The following RPA1 variants were observed in gnomAD, a reference collection of about 807,000 sequenced individuals.
RPA1 encodes the protein replication protein A 70 kDa DNA-binding subunit.
A neutral mutation model predicts 83.0 loss-of-function variants in RPA1; 49 were observed. The ratio of observed to expected loss-of-function variants is 0.59; its 90% CI spans 0.47 to 0.75. The LOEUF (loss-of-function observed/expected upper bound fraction) is 0.75. RPA1 is among the 30% of genes least tolerant of loss of function. The pLI, the probability that RPA1 is intolerant of heterozygous loss-of-function variation, is 0.00. For missense variants in RPA1, 693 were observed against 776.1 expected, an observed-to-expected ratio of 0.89 and a Z score of 1.27; for synonymous variants, 279 against 281.8, an observed-to-expected ratio of 0.99 and a Z score of 0.10.
chr17:1,872,320 A>G, intron 5 of RPA1, 114 bp from the exon 6 acceptor site: 1 of 1,449,818 alleles, frequency 6.9e-7, no homozygotes, highest in Non-Finnish European at 9.3e-7. Context: ...AATCCATGGG[A>G]GTCTTTGACA....
At chr17:1,842,295 C>T (rs1470222424) in intron 1 of RPA1, among the ~76,000 whole-genome samples, 2 of 152,018 alleles carry the variant, frequency 1.3e-5, no homozygotes, top group Non-Finnish European at 2.9e-5. Flanking sequence ...TAGGATTCAC[C>T]AATAAAGCCA....
chr17:1,845,162 TTGTGTG>T (rs71150822), intron 4 of RPA1, among the ~76,000 whole-genome samples: 24,129 of 141,604 alleles, frequency 0.17, 2,167 homozygotes, highest in East Asian at 0.42. Flanking sequence ...TAATGCTGCT[TTGTGTG>T]TGTGTGTGTG....
At chr17:1,854,796 A>G (rs921487992) in intron 5 of RPA1, among the ~76,000 whole-genome samples, 77 of 152,212 alleles carry the variant, frequency 5.1e-4, no homozygotes, top group Non-Finnish European at 2.9e-5. Context: ...CTATTTATTG[A>G]ATTTTTTTAC....
At chr17:1,867,024 A>G (rs1913199809) in intron 5 of RPA1, among the ~76,000 whole-genome samples, 1 of 152,214 alleles carries the variant, frequency 6.6e-6, no homozygotes, top group Non-Finnish European at 1.5e-5. Context: ...GGGCTAGGCC[A>G]TCATTATGCT....
In RPA1 at chr17:1,888,750, C is replaced by T; in HGVS notation, c.1450C>T (p.Gln484Ter). The change falls in exon 14 of 17, where the codon CAG becomes TAG. Residue 484 changes from glutamine to a stop codon, truncating the protein, a stop_gained. Transcript: ENST00000254719. LOFTEE classifies it high-confidence loss of function. ...ENCMYQACPT[Q>*]DCNKKVIDQQ... Reference sequence around the variant, plus strand: ...CTGCATGTACCAAGCCTGCCCGACTCAGGACTGCAATAAGAAAGTGATTGA... The same window carrying T: ...CTGCATGTACCAAGCCTGCCCGACTTAGGACTGCAATAAGAAAGTGATTGA... 2 of 1,614,218 alleles carry T rather than the reference C, an allele frequency of 1.2e-6. No homozygotes were observed. Among genetic ancestry groups the T allele is most frequent in the Non-Finnish European group, 1.7e-6 (2 of 1,180,036 alleles).
intron 4 of RPA1, among the ~76,000 whole-genome samples, chr17:1,852,529 AAGGCCAG>A (rs1269941000): frequency 2.0e-5 from 3 of 152,290 alleles, no homozygotes; most frequent in African/African-American, 7.2e-5. Context: ...AGAAAACAGG[AAGGCCAG>A]AGGGCAGAGG....
At chr17:1,835,662 C>G (rs756490616) in intron 1 of RPA1, among the ~76,000 whole-genome samples, 2 of 152,128 alleles carry the variant, frequency 1.3e-5, no homozygotes, top group African/African-American at 4.8e-5. Flanking sequence ...TTCTTAGTAC[C>G]TCAAACTAGG....
chr17:1,863,920 GAA>G (rs1365847747), intron 5 of RPA1, among the ~76,000 whole-genome samples: 3 of 152,170 alleles, frequency 2.0e-5, no homozygotes, highest in Non-Finnish European at 4.4e-5. Flanking sequence ...TTATAGAAAA[GAA>G]ATGTTCAGAG....
intron 13 of RPA1, among the ~76,000 whole-genome samples, chr17:1,887,333 G>A (rs553336029): frequency 8.5e-5 from 13 of 152,130 alleles, no homozygotes; most frequent in East Asian, 7.8e-4. Context: ...TGAGGCAGGC[G>A]GATCACCTGA....
rs949575266 is a variant in RPA1 at position 1,843,671 on chromosome 17, G to A, written c.85-249G>A. Among the ~76,000 whole-genome samples the A allele has an allele frequency of 4.0e-5, 6 of 148,966 alleles. No homozygotes were observed. In the Admixed American group the frequency reaches 4.1e-4, roughly 10 times the overall value. On this transcript the variant is annotated intron_variant, in intron 2 of 16. Transcript: ENST00000254719. ...TGATTTTTAACCATATTTGAGTCAG[G>A]GGTGAGAACACAAGAGTATAGGCAG...
chr17:1,856,352 TTTTG>T (rs1423358050), intron 5 of RPA1, among the ~76,000 whole-genome samples: 1 of 516 alleles, frequency 1.9e-3, no homozygotes, highest in Non-Finnish European at 3.8e-3. Context: ...ATCCCAAAAC[TTTTG>T]GGGAAGCTGA....
chr17:1,847,936 T>A (rs1413525135), intron 4 of RPA1, among the ~76,000 whole-genome samples: 1 of 151,642 alleles, frequency 6.6e-6, no homozygotes, highest in Non-Finnish European at 1.5e-5. Flanking sequence ...GGCAGGAGAA[T>A]CGCTTGAACC....
intron 1 of RPA1, among the ~76,000 whole-genome samples, chr17:1,838,937 A>G (rs765520452): frequency 2.0e-5 from 3 of 151,490 alleles, no homozygotes; most frequent in Admixed American, 6.6e-5. Flanking sequence ...TGCAAGCTCC[A>G]CCTCCCGGAT....
At position 1,898,780 on chromosome 17, in the gene RPA1, C is replaced by T. The variant is rs548973114; in HGVS notation, c.*1605C>T. ...TAGTCTCAGGAGATGGTAACTGGGT[C>T]GCATTTCAGTCTCTGACTGAGGCCT... On this transcript the variant is annotated 3_prime_UTR_variant, in exon 17 of 17. Coordinates refer to ENST00000254719, the MANE Select transcript of RPA1 (RefSeq NM_002945.5). 5.3e-5 allele frequency: 8 copies of T among 152,202 alleles called. No homozygotes were observed. Among genetic ancestry groups the T allele is most frequent in the African/African-American group, 1.4e-4 (6 of 41,442 alleles). The allele number at this position is 152,202 out of a possible 1,614,324, so 9.4% of individuals were successfully genotyped here. A position where few individuals can be genotyped will look rare whatever the true frequency, so the allele number is the denominator to read the frequency against.
intron 7 of RPA1, 23 bp from the exon 8 acceptor site, chr17:1,877,185 CACTA>C: frequency 6.3e-7 from 1 of 1,596,830 alleles, no homozygotes; most frequent in Non-Finnish European, 8.6e-7. Context: ...AGACCCCATA[CACTA>C]ATATGATCGA....
At chr17:1,872,550 G>A (rs185322768) in intron 6 of RPA1, 24 bp downstream of exon 6, 47 of 1,611,134 alleles carry the variant, frequency 2.9e-5, no homozygotes, top group South Asian at 2.4e-4. Flanking sequence ...CGGGGCGTGC[G>A]CTGACCAGGG....
intron 5 of RPA1, among the ~76,000 whole-genome samples, chr17:1,855,901 T>C (rs1196441541): frequency 6.6e-6 from 1 of 152,172 alleles, no homozygotes; most frequent in Non-Finnish European, 1.5e-5. Context: ...AGCACCCTTC[T>C]TGAGTAGACT....
At chr17:1,886,129 C>T (rs1260592674) in intron 13 of RPA1, among the ~76,000 whole-genome samples, 2 of 142,506 alleles carry the variant, frequency 1.4e-5, no homozygotes, top group African/African-American at 5.0e-5. Flanking sequence ...TATTAATCTC[C>T]TCGTACTGTG....
chr17:1,865,469 G>GATAATCAGACATCTGT (rs1480161761), intron 5 of RPA1, among the ~76,000 whole-genome samples: 1 of 152,158 alleles, frequency 6.6e-6, no homozygotes, highest in African/African-American at 2.4e-5. Flanking sequence ...ATATAACTGA[G>GATAATCAGACATCTGT]ATAATCAGAC....
Sources: allele counts gnomAD v4.1 joint callset (sites outside exome capture counted in the v4.1 genomes callset), GRCh38; gene constraint gnomAD v4.1.1; transcripts MANE v1.5; gene names NCBI Gene and HGNC (gene_info 2026-07-23, HGNC 2026-07-21).